Variants in PEX7 observed in about 807,000 individuals in gnomAD.
PEX7 encodes the protein peroxisomal biogenesis factor 7, also known as PTS2 receptor.
Under a neutral mutation model 47.5 loss-of-function variants are expected in PEX7, and 34 were observed. The ratio of observed to expected loss-of-function variants is 0.72; its 90% CI spans 0.54 to 0.95. The LOEUF (loss-of-function observed/expected upper bound fraction) is 0.95. Ranked by LOEUF, PEX7 falls within the 40% of genes least tolerant of loss-of-function variation. The probability of loss-of-function intolerance (pLI) is 0.00; values close to 1 mark genes in which losing one functional copy is unlikely to be tolerated. For synonymous variants in PEX7, 141 were observed against 148.8 expected (o/e 0.95, Z 0.38); for missense variants, 394 against 400.3 (o/e 0.98, Z 0.13).
chr6:136,830,271 C>T (rs1175064290), intron 3 of PEX7: 2 of 452,720 alleles, frequency 4.4e-6, no homozygotes, highest in East Asian at 7.1e-5. Flanking sequence ...TTATTATTTG[C>T]TCTTATTATA....
At chr6:136,822,854 G>T in intron 1 of PEX7, 59 bp downstream of exon 1, 3 of 978,804 alleles carry the variant, frequency 3.1e-6, no homozygotes, top group Non-Finnish European at 3.9e-6. Flanking sequence ...GGGCCAGCCG[G>T]GCTCCAGTTC....
At chr6:136,849,621 A>T (rs1774698911) in intron 5 of PEX7, among the ~76,000 whole-genome samples, 1 of 152,186 alleles carries the variant, frequency 6.6e-6, no homozygotes, top group African/African-American at 2.4e-5. Flanking sequence ...TCCAGTAGTC[A>T]TTCAGGAGCG....
At chr6:136,876,281 C>T (rs1582764280) in intron 8 of PEX7, among the ~76,000 whole-genome samples, 1 of 152,304 alleles carries the variant, frequency 6.6e-6, no homozygotes, top group East Asian at 1.9e-4. Context: ...TCGTGATCCA[C>T]CCGCCTCAGC....
rs183043254 is a variant in PEX7, at chr6:136,839,364, G to A, written c.340-6251G>A. 4.6e-5 allele frequency among the ~76,000 whole-genome samples: 7 copies of A among 152,184 alleles called. No homozygotes were observed. In the East Asian group the frequency reaches 9.6e-4, roughly 21 times the overall value. On this transcript the variant is annotated intron_variant, in intron 3 of 9. Coordinates refer to ENST00000318471, the MANE Select transcript of PEX7 (RefSeq NM_000288.4). ...TAATTAAGTAGACCAACTTAAAAAG[G>A]GCAATGCTTTACAGTAGATTAAATA...
Position 136,866,670 on chromosome 6 carries a change from A to G in PEX7, c.570A>G (p.Val190=), listed in dbSNP as rs1392688180. The G allele has an allele frequency of 8.1e-6, 13 of 1,614,088 alleles. No individual in the cohort carries two copies. The highest frequency in any genetic ancestry group is 1.1e-5 in the Non-Finnish European group (13 of 1,179,968). ...LRIWDVKAAG[V]RIVIPAHQAE... ...TATGGGATGTGAAGGCAGCAGGAGT[A>G]AGAATCGTGATTCCTGCACATCAGG... The change falls in exon 6 of 10, where the codon GTA becomes GTG. Residue 190 remains valine (V), a synonymous_variant. Transcript: ENST00000318471.
chr6:136,861,324 C>T (rs898324147), intron 5 of PEX7, among the ~76,000 whole-genome samples: 8 of 152,164 alleles, frequency 5.3e-5, no homozygotes, highest in African/African-American at 2.4e-5. Flanking sequence ...CTCAAACGAC[C>T]TGCCTGCCTT....
intron 3 of PEX7, among the ~76,000 whole-genome samples, chr6:136,844,093 G>A (rs940878949): frequency 5.3e-5 from 8 of 152,108 alleles, no homozygotes; most frequent in Non-Finnish European, 1.0e-4. Flanking sequence ...GGCTGGGCAC[G>A]GTGGCTCATG....
At chr6:136,861,924 G>A (rs929840476) in intron 5 of PEX7, among the ~76,000 whole-genome samples, 5 of 145,030 alleles carry the variant, frequency 3.4e-5, no homozygotes, top group African/African-American at 7.5e-5. Context: ...ATAATGCAGC[G>A]TGACATCCAC....
intron 9 of PEX7, among the ~76,000 whole-genome samples, chr6:136,902,596 C>A (rs1775771712): frequency 6.6e-6 from 1 of 151,952 alleles, no homozygotes; most frequent in South Asian, 2.1e-4. Flanking sequence ...TTTTTCTGAT[C>A]ATGATTTGTA....
chr6:136,823,619 G>A (rs1229010073), intron 1 of PEX7, among the ~76,000 whole-genome samples: 2 of 152,046 alleles, frequency 1.3e-5, no homozygotes, highest in African/African-American at 2.4e-5. Context: ...AGCGCCGTGC[G>A]GTGGCTCACG....
intron 5 of PEX7, among the ~76,000 whole-genome samples, chr6:136,861,248 C>T (rs1252438102): frequency 3.3e-5 from 5 of 152,042 alleles, no homozygotes; most frequent in Admixed American, 3.3e-4. Flanking sequence ...CCAAGCCCGA[C>T]TAATTTTTGT....
At chr6:136,876,063 AGTCTGGC>A (rs1775266790) in intron 8 of PEX7, among the ~76,000 whole-genome samples, 1 of 148,514 alleles carries the variant, frequency 6.7e-6, no homozygotes, top group Non-Finnish European at 1.5e-5. Flanking sequence ...TTTGAGACAG[AGTCTGGC>A]TCTGTCGCCC....
At chr6:136,902,526 A>T (rs1775769682) in intron 9 of PEX7, among the ~76,000 whole-genome samples, 1 of 152,188 alleles carries the variant, frequency 6.6e-6, no homozygotes, top group African/African-American at 2.4e-5. Flanking sequence ...ATTGCTGAGA[A>T]ATGCTCTATG....
At chr6:136,867,394 A>C (rs972779230) in intron 6 of PEX7, among the ~76,000 whole-genome samples, 2 of 152,202 alleles carry the variant, frequency 1.3e-5, no homozygotes, top group African/African-American at 4.8e-5. Flanking sequence ...AAAACCTTCC[A>C]GCAGGACAAG....
At chr6:136,849,870 T>C (rs6570106) in intron 5 of PEX7, among the ~76,000 whole-genome samples, 97,723 of 151,940 alleles carry the variant, frequency 0.64, 31,611 homozygotes, top group African/African-American at 0.71. Flanking sequence ...CTGTTAGGTC[T>C]GCTTGGTGCA....
intron 9 of PEX7, among the ~76,000 whole-genome samples, chr6:136,912,193 T>G (rs1423394489): frequency 6.6e-6 from 1 of 152,230 alleles, no homozygotes. Flanking sequence ...TCTTGCCTGT[T>G]CATTTTCTTA....
At chr6:136,906,326 A>G (rs754698917) in intron 9 of PEX7, among the ~76,000 whole-genome samples, 13 of 152,240 alleles carry the variant, frequency 8.5e-5, no homozygotes, top group Non-Finnish European at 1.6e-4. Flanking sequence ...TTGAATAAGT[A>G]TTAAATATAT....
In PEX7 at chr6:136,905,025, G is replaced by A. The variant is rs11154895; in HGVS notation, c.903+6784G>A. 2.0e-5 allele frequency among the ~76,000 whole-genome samples: 3 copies of A among 152,196 alleles called. No individual in the cohort carries two copies. In the East Asian group the frequency reaches 5.8e-4, roughly 29 times the overall value. On this transcript the variant is annotated intron_variant, in intron 9 of 9. Transcript: ENST00000318471. ...CTCAACTTACCTTTGAAGTCTTTCT[G>A]ATTTTACCTTTGAAGTCTTTTTTAT...
In PEX7 at chr6:136,909,505, G is replaced by A. The variant is rs73777776; in HGVS notation, c.904-3953G>A. Among the ~76,000 whole-genome samples, 393 of 152,280 alleles carry A rather than the reference G, an allele frequency of 2.6e-3. 2 individuals carry two copies. Among genetic ancestry groups the A allele is most frequent in the African/African-American group, 8.4e-3 (348 of 41,568 alleles). On this transcript the variant is annotated intron_variant, in intron 9 of 9. Transcript: ENST00000318471. ...ATAAGAGGTCCCCTGGGGACCACATGGCACAATAGTTTTTCCTTACCAGGA... is the reference window on the plus strand; with the variant it reads ...ATAAGAGGTCCCCTGGGGACCACATAGCACAATAGTTTTTCCTTACCAGGA...
Sources: allele counts gnomAD v4.1 joint callset (sites outside exome capture counted in the v4.1 genomes callset), GRCh38; gene constraint gnomAD v4.1.1; transcripts MANE v1.5; gene names NCBI Gene and HGNC (gene_info 2026-07-23, HGNC 2026-07-21).